Variants in PDS5B observed in about 807,000 individuals in gnomAD.
PDS5B encodes the protein PDS5 cohesin associated factor B, also known as sister chromatid cohesion protein PDS5 homolog B.
Under a neutral mutation model 184.1 loss-of-function variants are expected in PDS5B, and 51 were observed. The observed-to-expected ratio is 0.28, with a 90% CI of 0.22 to 0.35. The LOEUF (loss-of-function observed/expected upper bound fraction) is 0.35, where lower values mean the gene tolerates loss of function less well. Among genes scored for constraint, PDS5B ranks in the 10% least tolerant of loss-of-function variants. The probability of loss-of-function intolerance (pLI) is 1.00; values close to 1 mark genes in which losing one functional copy is unlikely to be tolerated. For missense variants in PDS5B, 1,180 were observed against 1,723.3 expected, an observed-to-expected ratio of 0.68 and a Z score of 5.58; for synonymous variants, 566 against 569.2, an observed-to-expected ratio of 0.99 and a Z score of 0.08.
chr13:32,757,435 A>G (rs1305346834), intron 26 of PDS5B, among the ~76,000 whole-genome samples: 2 of 152,082 alleles, frequency 1.3e-5, no homozygotes, highest in East Asian at 3.9e-4. Context: ...TTCTCCCATT[A>G]CTTTTCTCCT....
intron 7 of PDS5B, among the ~76,000 whole-genome samples, chr13:32,672,197 A>G (rs1279673811): frequency 6.6e-6 from 1 of 152,214 alleles, no homozygotes; most frequent in Non-Finnish European, 1.5e-5. Context: ...ATCAAAAATA[A>G]AAAATTACAT....
chr13:32,739,267 G>A (rs548060658), intron 21 of PDS5B, among the ~76,000 whole-genome samples: 2 of 151,722 alleles, frequency 1.3e-5, no homozygotes, highest in East Asian at 1.9e-4. Flanking sequence ...ACCATCTCCT[G>A]GTAATCTGCA....
At chr13:32,773,397 G>A in intron 34 of PDS5B, 73 bp downstream of exon 34, 1 of 1,267,346 alleles carries the variant, frequency 7.9e-7, no homozygotes, top group Non-Finnish European at 1.1e-6. Context: ...AGATCATTTA[G>A]TACTTGTTTA....
chr13:32,721,035 C>T (rs1448320121), intron 19 of PDS5B, among the ~76,000 whole-genome samples: 1 of 152,222 alleles, frequency 6.6e-6, no homozygotes, highest in Non-Finnish European at 1.5e-5. Context: ...TCTCCTATGT[C>T]TACTTCTTTC....
In PDS5B at chr13:32,722,445, C is replaced by G. The variant is rs574775049; in HGVS notation, c.2124-9656C>G. Among the ~76,000 whole-genome samples the G allele has an allele frequency of 2.0e-5, 3 of 152,204 alleles. 1 individual carries two copies. In the East Asian group the frequency reaches 5.8e-4, roughly 29 times the overall value. Reference sequence around the variant, plus strand: ...TATGTTTAGATATACAGATATTTACCACTGTGTTATAATTGCATATAGCAT... The same window carrying G: ...TATGTTTAGATATACAGATATTTACGACTGTGTTATAATTGCATATAGCAT... On this transcript the variant is annotated intron_variant, in intron 19 of 34. Coordinates refer to ENST00000315596, the MANE Select transcript of PDS5B (RefSeq NM_015032.4).
At chr13:32,652,637 C>T (rs76775391) in intron 3 of PDS5B, 9,444 of 148,242 alleles carry the variant, frequency 0.064, 369 homozygotes, top group East Asian at 0.19. Context: ...CACCTGTAAT[C>T]CCATAACTAC....
At chr13:32,654,813 T>C (rs1002915404) in intron 3 of PDS5B, among the ~76,000 whole-genome samples, 4 of 152,192 alleles carry the variant, frequency 2.6e-5, no homozygotes, top group African/African-American at 4.8e-5. Flanking sequence ...ATTTGTTTGC[T>C]TAGGATAATG....
At chr13:32,636,438 C>T (rs536180619) in intron 1 of PDS5B, among the ~76,000 whole-genome samples, 1 of 152,224 alleles carries the variant, frequency 6.6e-6, no homozygotes, top group South Asian at 2.1e-4. Flanking sequence ...CCTCATGGAG[C>T]TTTTTTCATA....
At chr13:32,602,050 A>G (rs1374924098) in intron 1 of PDS5B, among the ~76,000 whole-genome samples, 1 of 67,066 alleles carries the variant, frequency 1.5e-5, no homozygotes, top group Non-Finnish European at 3.8e-5. Context: ...AATGCATTCA[A>G]AACAATGTTT....
At chr13:32,685,334 A>G (rs1951354855) in intron 11 of PDS5B, among the ~76,000 whole-genome samples, 1 of 152,212 alleles carries the variant, frequency 6.6e-6, no homozygotes, top group Non-Finnish European at 1.5e-5. Flanking sequence ...AAAGGCATGA[A>G]GAGGGAAAGG....
At chr13:32,763,865 C>T (rs1954494530) in intron 30 of PDS5B, among the ~76,000 whole-genome samples, 3 of 152,158 alleles carry the variant, frequency 2.0e-5, no homozygotes, top group African/African-American at 4.8e-5. Flanking sequence ...TAGAACTCAG[C>T]GTAGCTGGAC....
intron 3 of PDS5B, among the ~76,000 whole-genome samples, chr13:32,655,375 T>TATA (rs1555296358): frequency 2.4e-4 from 12 of 50,922 alleles, no homozygotes; most frequent in East Asian, 2.8e-3. Flanking sequence ...TATATATATA[T>TATA]TTTTTTTTTT....
At chr13:32,644,727 A>G (rs1950177440) in intron 1 of PDS5B, among the ~76,000 whole-genome samples, 1 of 152,140 alleles carries the variant, frequency 6.6e-6, no homozygotes, top group Non-Finnish European at 1.5e-5. Context: ...CCCAATTCTT[A>G]GTTTACTAAA....
intron 6 of PDS5B, among the ~76,000 whole-genome samples, chr13:32,659,772 A>G (rs1950597688): frequency 6.6e-6 from 1 of 152,202 alleles, no homozygotes; most frequent in Non-Finnish European, 1.5e-5. Flanking sequence ...TTGATTTTAG[A>G]AAATGACTGA....
chr13:32,623,364 A>G (rs1284881412), intron 1 of PDS5B, among the ~76,000 whole-genome samples: 3 of 152,152 alleles, frequency 2.0e-5, no homozygotes, highest in Non-Finnish European at 2.9e-5. Context: ...GTTTATCCTT[A>G]TATCTTAGTA....
chr13:32,625,851 T>G (rs2058363378), intron 1 of PDS5B, among the ~76,000 whole-genome samples: 1 of 151,726 alleles, frequency 6.6e-6, no homozygotes, highest in Admixed American at 6.6e-5. Context: ...TTTTTTTTTT[T>G]TTTTGAGACA....
At chr13:32,603,415 GTA>G (rs977241557) in intron 1 of PDS5B, among the ~76,000 whole-genome samples, 15 of 152,088 alleles carry the variant, frequency 9.9e-5, no homozygotes, top group Non-Finnish European at 1.5e-4. Flanking sequence ...TAGATGTGTG[GTA>G]TTATTTCTGA....
intron 19 of PDS5B, among the ~76,000 whole-genome samples, chr13:32,724,793 C>T (rs545702753): frequency 3.6e-4 from 55 of 152,218 alleles, no homozygotes; most frequent in Non-Finnish European, 6.6e-4. Context: ...GTTGCCCAGT[C>T]GGTCTCGAAC....
chr13:32,681,144 C>G (rs1451690732), intron 10 of PDS5B, among the ~76,000 whole-genome samples: 2 of 152,136 alleles, frequency 1.3e-5, no homozygotes, highest in Non-Finnish European at 2.9e-5. Flanking sequence ...TAGAGTCAGT[C>G]ATTTCTTGCT....
Sources: gnomAD v4.1 joint callset for allele counts (sites outside exome capture counted in the v4.1 genomes callset) on GRCh38, gnomAD v4.1.1 for gene constraint, MANE v1.5 for transcripts, NCBI Gene and HGNC (gene_info 2026-07-23, HGNC 2026-07-21) for gene names.